SYT14: variants seen among roughly 807,000 people sequenced by gnomAD.
The protein encoded by SYT14 is synaptotagmin 14.
SYT14 carries 32 observed loss-of-function variants against 74.2 expected under a neutral mutation model. The ratio of observed to expected loss-of-function variants is 0.43; its 90% CI spans 0.33 to 0.58. SYT14 has a LOEUF of 0.58. Ranked by LOEUF, SYT14 falls within the 20% of genes least tolerant of loss-of-function variation. The pLI, the probability that SYT14 is intolerant of heterozygous loss-of-function variation, is 0.05. For missense variants in SYT14, 791 were observed against 981.8 expected (o/e 0.81, Z 2.60); for synonymous variants, 298 against 337.7 (o/e 0.88, Z 1.29).
intron 7 of SYT14, among the ~76,000 whole-genome samples, chr1:210,154,842 G>A (rs1306165911): frequency 1.3e-5 from 2 of 152,066 alleles, no homozygotes; most frequent in African/African-American, 2.4e-5. Flanking sequence ...GTGTACTTGG[G>A]AAAATTATAT....
intron 2 of SYT14, among the ~76,000 whole-genome samples, chr1:209,976,102 T>C (rs2079357912): frequency 6.6e-6 from 1 of 152,160 alleles, no homozygotes; most frequent in African/African-American, 2.4e-5. Context: ...CTTTTCTTCT[T>C]TATTAGTCTT....
intron 5 of SYT14, among the ~76,000 whole-genome samples, chr1:210,064,122 A>G (rs1023838217): frequency 1.3e-5 from 2 of 152,030 alleles, no homozygotes; most frequent in Non-Finnish European, 2.9e-5. Flanking sequence ...TATCTTGTAT[A>G]AGTGGGACTG....
At chr1:210,134,438 C>G (rs2082739982) in intron 7 of SYT14, among the ~76,000 whole-genome samples, 1 of 152,060 alleles carries the variant, frequency 6.6e-6, no homozygotes. Flanking sequence ...ATGCATTACT[C>G]TTATTTATTT....
rs372380932 is a variant in SYT14, at chr1:210,165,785, A to T, written c.*4743A>T. The T allele has an allele frequency of 6.6e-5, 10 of 152,350 alleles. No homozygotes were observed. In the East Asian group the frequency reaches 1.3e-3, roughly 21 times the overall value. The allele number at this position is 152,350 out of a possible 1,614,324, so 9.4% of individuals were successfully genotyped here. On this transcript the variant is annotated 3_prime_UTR_variant, in exon 10 of 10. Transcript: ENST00000637265. The stretch of plus-strand genomic sequence containing the variant: ...TTTGCTTATAGTAGGCAGACAGTAA[A>T]TATTGAATTGAACTAAATTCCCTGT...
intron 2 of SYT14, among the ~76,000 whole-genome samples, chr1:210,000,738 C>A (rs1197116959): frequency 6.6e-6 from 1 of 151,060 alleles, no homozygotes; most frequent in Non-Finnish European, 1.5e-5. Context: ...CTCAGCCTCC[C>A]TAGTAGCTGG....
intron 7 of SYT14, among the ~76,000 whole-genome samples, chr1:210,135,109 T>C (rs892960709): frequency 6.6e-6 from 1 of 151,872 alleles, no homozygotes; most frequent in African/African-American, 2.4e-5. Context: ...GCCTCCCGAG[T>C]ACCTAGGATT....
chr1:210,143,814 A>C (rs11119420), intron 7 of SYT14, among the ~76,000 whole-genome samples: 34,275 of 152,046 alleles, frequency 0.23, 9,111 homozygotes, highest in African/African-American at 0.61. Context: ...AACTCAAAAA[A>C]GTAAGGCAGA....
At chr1:209,981,450 C>CTTTTT (rs1183885685) in intron 2 of SYT14, among the ~76,000 whole-genome samples, 429 of 99,058 alleles carry the variant, frequency 4.3e-3, no homozygotes, top group African/African-American at 7.7e-3. Context: ...TTTTTCTTTT[C>CTTTTT]TTTTTTTTTT....
At chr1:210,155,768 T>A in exon 8 of SYT14, 1 of 1,614,000 alleles carries the variant, frequency 6.2e-7, no homozygotes, top group Non-Finnish European at 8.5e-7. Flanking sequence ...GTAGTGAAAG[T>A]ACATCCTCAT....
chr1:209,975,525 T>C (rs995619739), intron 2 of SYT14, among the ~76,000 whole-genome samples: 1 of 152,252 alleles, frequency 6.6e-6, no homozygotes, highest in Non-Finnish European at 1.5e-5. Context: ...TTGTGTATGT[T>C]GAACCAGCCT....
At chr1:209,982,717 ATG>A (rs2079508041) in intron 2 of SYT14, among the ~76,000 whole-genome samples, 1 of 152,322 alleles carries the variant, frequency 6.6e-6, no homozygotes, top group South Asian at 2.1e-4. Context: ...ATATCAAGGA[ATG>A]TAATTGCTGG....
chr1:209,986,486 G>A (rs1308049910), intron 2 of SYT14, among the ~76,000 whole-genome samples: 3 of 151,888 alleles, frequency 2.0e-5, no homozygotes, highest in Non-Finnish European at 2.9e-5. Context: ...GGTGGCGGGC[G>A]CCTATAGTCC....
rs532841728 is a variant in SYT14 at position 210,072,035 on chromosome 1, T to C, written c.1313-22287T>C. Among the ~76,000 whole-genome samples the C allele has an allele frequency of 3.3e-5, 5 of 151,910 alleles. No individual in the cohort carries two copies. In the East Asian group the frequency reaches 9.6e-4, roughly 29 times the overall value. On this transcript the variant is annotated intron_variant, in intron 5 of 9. Coordinates refer to ENST00000637265, the Ensembl canonical transcript of SYT14. ...AGATTGTCATATTGGCTTATTTTAA[T>C]GTTTATACCTTTTTAAAAATAACTC...
intron 5 of SYT14, among the ~76,000 whole-genome samples, chr1:210,028,430 TC>T (rs1348349966): frequency 6.6e-6 from 1 of 150,714 alleles, no homozygotes; most frequent in Non-Finnish European, 1.5e-5. Context: ...ACAACTCCAT[TC>T]CCCCTTCCCC....
At chr1:209,985,497 G>C (rs1379068211) in intron 2 of SYT14, among the ~76,000 whole-genome samples, 1 of 152,222 alleles carries the variant, frequency 6.6e-6, no homozygotes, top group Non-Finnish European at 1.5e-5. Context: ...GTTCTTCCAG[G>C]ATGGAGTTGA....
chr1:209,961,328 A>G (rs2079072670), intron 2 of SYT14, among the ~76,000 whole-genome samples: 1 of 152,130 alleles, frequency 6.6e-6, no homozygotes, highest in Admixed American at 6.6e-5. Context: ...TAGTGACCAA[A>G]CTTGACTTTC....
At chr1:209,976,571 G>C (rs2102776614) in intron 2 of SYT14, among the ~76,000 whole-genome samples, 1 of 151,582 alleles carries the variant, frequency 6.6e-6, no homozygotes, top group African/African-American at 2.4e-5. Context: ...CTGAGAGACA[G>C]TTTGTTATAA....
chr1:210,003,319 T>A (rs563559459), intron 2 of SYT14, among the ~76,000 whole-genome samples: 109 of 152,310 alleles, frequency 7.2e-4, no homozygotes, highest in African/African-American at 2.5e-3. Context: ...AAAATAATTC[T>A]TGGTATCTGG....
intron 2 of SYT14, among the ~76,000 whole-genome samples, chr1:209,960,145 G>A (rs1242025202): frequency 1.3e-5 from 2 of 152,060 alleles, no homozygotes; most frequent in Non-Finnish European, 2.9e-5. Context: ...AACCTGGAGG[G>A]TGGTTTGTAG....
Sources: gnomAD v4.1 joint callset for allele counts (sites outside exome capture counted in the v4.1 genomes callset) on GRCh38, gnomAD v4.1.1 for gene constraint, MANE v1.5 for transcripts, NCBI Gene and HGNC (gene_info 2026-07-23, HGNC 2026-07-21) for gene names.